The following STK33 variants were observed in gnomAD, a reference collection of about 807,000 sequenced individuals.
STK33 encodes the protein serine/threonine kinase 33.
A neutral mutation model predicts 58.0 loss-of-function variants in STK33; 52 were observed. That is an observed-to-expected ratio of 0.90 (90% CI 0.72 to 1.13). STK33 has a LOEUF of 1.13. Among genes scored for constraint, STK33 ranks in the 50% most tolerant of loss-of-function variants. The probability of loss-of-function intolerance (pLI) is 0.00; values close to 1 mark genes in which losing one functional copy is unlikely to be tolerated. For missense variants in STK33, 630 were observed against 604.2 expected, an observed-to-expected ratio of 1.04 and a Z score of -0.45; for synonymous variants, 215 against 200.1, an observed-to-expected ratio of 1.07 and a Z score of -0.63.
chr11:8,397,954 G>A (rs975198739), intron 15 of STK33, among the ~76,000 whole-genome samples: 2 of 152,168 alleles, frequency 1.3e-5, no homozygotes, highest in African/African-American at 4.8e-5. Context: ...AGAAATATGG[G>A]ACCATGTGAA....
intron 1 of STK33, among the ~76,000 whole-genome samples, chr11:8,585,289 A>G (rs1259529841): frequency 6.9e-6 from 1 of 144,066 alleles, no homozygotes; most frequent in Non-Finnish European, 1.5e-5. Context: ...CAGTGGCGCA[A>G]TCTCGGCTCA....
the STK33 span, among the ~76,000 whole-genome samples, chr11:8,386,316 TG>T: frequency 6.6e-6 from 1 of 152,222 alleles, no homozygotes; most frequent in Non-Finnish European, 1.5e-5. Context: ...AAAGTTGATA[TG>T]AAACTTAAGT....
chr11:8,440,865 G>A, intron 11 of STK33, 112 bp from the exon 12 acceptor site: 3 of 1,071,490 alleles, frequency 2.8e-6, no homozygotes, highest in Non-Finnish European at 2.7e-6. Context: ...TCCCCCATAG[G>A]GAAAAGAGAA....
At chr11:8,531,443 G>A (rs768434546) in intron 1 of STK33, among the ~76,000 whole-genome samples, 13 of 152,222 alleles carry the variant, frequency 8.5e-5, no homozygotes, top group Non-Finnish European at 1.6e-4. Context: ...GCTAGGCTGG[G>A]TTTGTCATGT....
chr11:8,491,691 G>C (rs1950624787), intron 1 of STK33, among the ~76,000 whole-genome samples: 1 of 152,176 alleles, frequency 6.6e-6, no homozygotes, highest in African/African-American at 2.4e-5. Context: ...AGGGCAGCCA[G>C]AGAGAAAGGT....
chr11:8,356,660 C>G, the STK33 span, among the ~76,000 whole-genome samples: 1 of 152,146 alleles, frequency 6.6e-6, no homozygotes, highest in Non-Finnish European at 1.5e-5. Flanking sequence ...CTCTGGAGAG[C>G]CTGTAAACTT....
At chr11:8,502,013 G>A (rs778929908) in intron 1 of STK33, among the ~76,000 whole-genome samples, 1 of 152,106 alleles carries the variant, frequency 6.6e-6, no homozygotes, top group African/African-American at 2.4e-5. Context: ...GCAGATTAGT[G>A]TATTTCAGGG....
chr11:8,426,392 C>A (rs1328416899), intron 14 of STK33, among the ~76,000 whole-genome samples: 2 of 152,150 alleles, frequency 1.3e-5, no homozygotes, highest in African/African-American at 4.8e-5. Flanking sequence ...TTTTACAGGC[C>A]CAGGATGGGG....
chr11:8,539,351 G>A (rs1291849501), intron 1 of STK33, among the ~76,000 whole-genome samples: 1 of 152,188 alleles, frequency 6.6e-6, no homozygotes, highest in East Asian at 1.9e-4. Context: ...TTCCCTCAGT[G>A]AGGTGATGAA....
chr11:8,593,773 A>G (rs2032989476), intron 1 of STK33: 2 of 152,384 alleles, frequency 1.3e-5, no homozygotes, highest in East Asian at 1.9e-4. Context: ...TAAACTTTCA[A>G]AAAGTTTCAC....
chr11:8,493,117 T>C (rs879098625), intron 1 of STK33, among the ~76,000 whole-genome samples: 9 of 151,358 alleles, frequency 5.9e-5, no homozygotes, highest in East Asian at 3.9e-4. Context: ...CTGAAGGAGA[T>C]AGAGACACAA....
In STK33 at chr11:8,392,479, G is replaced by A. The variant is rs372988571; in HGVS notation, c.*31C>T. 6.2e-7 allele frequency: 1 copy of A among 1,612,782 alleles called. No homozygotes were observed. Among genetic ancestry groups the A allele is most frequent in the African/African-American group, 1.3e-5 (1 of 74,802 alleles). On this transcript the variant is annotated 3_prime_UTR_variant, in exon 16 of 16. Coordinates refer to ENST00000687296, the MANE Select transcript of STK33 (RefSeq NM_001352389.2). ...TCAAAGTGCTAACAAGAGCAGCTTT[G>A]TTTTTGTACTGTCCAACACTGGAGG... is the stretch of plus-strand genomic sequence containing the variant.
the STK33 span, among the ~76,000 whole-genome samples, chr11:8,347,752 A>C: frequency 6.6e-6 from 1 of 152,228 alleles, no homozygotes; most frequent in Non-Finnish European, 1.5e-5. Flanking sequence ...GACCAACAGC[A>C]CAAGCCTCTA....
intron 7 of STK33, among the ~76,000 whole-genome samples, chr11:8,462,579 G>T (rs1947691278): frequency 6.6e-6 from 1 of 151,870 alleles, no homozygotes; most frequent in Admixed American, 6.6e-5. Context: ...GAGAAACAGG[G>T]AGAGAGACGG....
chr11:8,395,391 T>G (rs1849161099), intron 15 of STK33, among the ~76,000 whole-genome samples: 1 of 152,194 alleles, frequency 6.6e-6, no homozygotes, highest in Non-Finnish European at 1.5e-5. Context: ...TCCTTTGCCT[T>G]CCACCATGAT....
At chr11:8,428,575 T>C (rs928709352) in intron 14 of STK33, among the ~76,000 whole-genome samples, 4 of 152,182 alleles carry the variant, frequency 2.6e-5, no homozygotes, top group Non-Finnish European at 4.4e-5. Flanking sequence ...CTTCACTGAG[T>C]GGTCTTGAAA....
chr11:8,407,657 A>T (rs1484843500), intron 15 of STK33, among the ~76,000 whole-genome samples: 1 of 152,116 alleles, frequency 6.6e-6, no homozygotes, highest in African/African-American at 2.4e-5. Flanking sequence ...GATCAATAGA[A>T]AGTATCCAAT....
chr11:8,402,913 A>G (rs996647789), intron 15 of STK33, among the ~76,000 whole-genome samples: 2 of 152,216 alleles, frequency 1.3e-5, no homozygotes, highest in African/African-American at 2.4e-5. Flanking sequence ...GGGATTCCTC[A>G]GGGATCTATG....
intron 11 of STK33, among the ~76,000 whole-genome samples, chr11:8,444,587 T>C (rs951853250): frequency 3.3e-5 from 5 of 152,244 alleles, no homozygotes; most frequent in Admixed American, 6.5e-5. Flanking sequence ...AATAAGTGCA[T>C]ATTGAATTTA....
Sources: allele counts gnomAD v4.1 joint callset (sites outside exome capture counted in the v4.1 genomes callset), GRCh38; gene constraint gnomAD v4.1.1; transcripts MANE v1.5; gene names NCBI Gene and HGNC (gene_info 2026-07-23, HGNC 2026-07-21).